The following SLC25A26 variants were observed in gnomAD, a reference collection of about 807,000 sequenced individuals.
SLC25A26 encodes the protein mitochondrial S-adenosylmethionine carrier protein.
In SLC25A26, 36 loss-of-function variants were observed where a neutral mutation model predicts 37.8. That is an observed-to-expected ratio of 0.95 (90% CI 0.73 to 1.26). The LOEUF is 1.26. SLC25A26 is among the 50% of genes most tolerant of loss of function. SLC25A26 has a pLI of 0.00. For missense variants in SLC25A26, 390 were observed against 331.1 expected (o/e 1.18, Z -1.38); for synonymous variants, 129 against 122.5 (o/e 1.05, Z -0.35).
At chr3:66,367,964 G>C (rs916799399) in intron 7 of SLC25A26, among the ~76,000 whole-genome samples, 3 of 152,184 alleles carry the variant, frequency 2.0e-5, no homozygotes, top group African/African-American at 7.2e-5. Context: ...CATGTCAGTT[G>C]ATAGTATTAC....
chr3:66,355,623 G>T (rs1210286140), intron 6 of SLC25A26, among the ~76,000 whole-genome samples: 11 of 152,182 alleles, frequency 7.2e-5, no homozygotes, highest in South Asian at 2.1e-4. Flanking sequence ...CTTGCTATCA[G>T]AAATCTCTTT....
chr3:66,303,795 G>T (rs1224946294), intron 5 of SLC25A26, among the ~76,000 whole-genome samples: 1 of 152,224 alleles, frequency 6.6e-6, no homozygotes, highest in African/African-American at 2.4e-5. Context: ...GTTTCACACA[G>T]TGACAGTCAA....
At position 66,292,567 on chromosome 3, in the gene SLC25A26, G is replaced by A. The variant is rs1037646930; in HGVS notation, c.453+29188G>A. ...CTCCTTTGCTTATGAAGCTTAGTTC[G>A]GCTGGATTTGAAATTCTGGGTTGAA... On this transcript the variant is annotated intron_variant, in intron 5 of 9. Transcript: ENST00000354883. Among the ~76,000 whole-genome samples, 9 of 152,046 alleles carry A rather than the reference G, an allele frequency of 5.9e-5. No individual in the cohort carries two copies. In the South Asian group the frequency reaches 8.3e-4, roughly 14 times the overall value.
chr3:66,166,832 C>G (rs1203978207), intron 1 of SLC25A26, among the ~76,000 whole-genome samples: 1 of 152,112 alleles, frequency 6.6e-6, no homozygotes, highest in African/African-American at 2.4e-5. Flanking sequence ...CTATCTCCAC[C>G]CAAAACTCAT....
At chr3:66,306,731 C>T (rs545795617) in intron 5 of SLC25A26, among the ~76,000 whole-genome samples, 2 of 152,290 alleles carry the variant, frequency 1.3e-5, no homozygotes, top group East Asian at 3.9e-4. Context: ...TGTTCACCTC[C>T]CACTTATGAG....
Position 66,333,546 on chromosome 3 carries a change from A to G in SLC25A26, c.454-12818A>G, listed in dbSNP as rs2076025522. Reference sequence around the variant, plus strand: ...GACTCATACTGGCCTTTCTCTCTCCAAGCACCTCTGTTTGATTTGGGGTTT... The same window carrying G: ...GACTCATACTGGCCTTTCTCTCTCCGAGCACCTCTGTTTGATTTGGGGTTT... On this transcript the variant is annotated intron_variant, in intron 5 of 9. Transcript: ENST00000354883. Among the ~76,000 whole-genome samples the G allele has an allele frequency of 2.0e-5, 3 of 152,044 alleles. 1 individual carries two copies. In the South Asian group the frequency reaches 6.2e-4, roughly 32 times the overall value.
chr3:66,340,002 A>C (rs988610453), intron 5 of SLC25A26, among the ~76,000 whole-genome samples: 15 of 151,962 alleles, frequency 9.9e-5, no homozygotes, highest in Admixed American at 6.5e-4. Context: ...TCTTATGTTT[A>C]GTTCTTTCAT....
chr3:66,205,498 G>T (rs960062679), intron 1 of SLC25A26, among the ~76,000 whole-genome samples: 1 of 152,112 alleles, frequency 6.6e-6, no homozygotes, highest in Non-Finnish European at 1.5e-5. Context: ...CAGCATAAAC[G>T]CAAGGGTCTT....
chr3:66,323,003 T>A (rs1264076786), intron 5 of SLC25A26, among the ~76,000 whole-genome samples: 1 of 146,622 alleles, frequency 6.8e-6, no homozygotes, highest in Non-Finnish European at 1.6e-5. Context: ...TAAGGTATTA[T>A]AAAACTCATT....
chr3:66,198,170 C>G (rs977355951), intron 1 of SLC25A26, among the ~76,000 whole-genome samples: 15 of 152,062 alleles, frequency 9.9e-5, no homozygotes, highest in South Asian at 2.1e-4. Flanking sequence ...GGGTCAGAGT[C>G]AGCTTCAGGA....
At chr3:66,160,857 C>T (rs1392458070) in intron 1 of SLC25A26, among the ~76,000 whole-genome samples, 4 of 152,052 alleles carry the variant, frequency 2.6e-5, no homozygotes, top group Non-Finnish European at 5.9e-5. Flanking sequence ...ATTGCTTGAA[C>T]CTGGTTGGCA....
chr3:66,365,136 T>C (rs1016724898), intron 7 of SLC25A26, among the ~76,000 whole-genome samples: 11 of 152,280 alleles, frequency 7.2e-5, no homozygotes, highest in African/African-American at 2.6e-4. Context: ...GGATGTCTTG[T>C]GAAGTCCCTT....
intron 5 of SLC25A26, among the ~76,000 whole-genome samples, chr3:66,344,726 C>A (rs963786503): frequency 1.3e-5 from 2 of 152,126 alleles, no homozygotes; most frequent in Non-Finnish European, 2.9e-5. Context: ...TGGGTGGGGT[C>A]CACTGGTGTT....
intron 1 of SLC25A26, among the ~76,000 whole-genome samples, chr3:66,189,270 G>C (rs1376215134): frequency 1.3e-5 from 2 of 151,596 alleles, no homozygotes; most frequent in Non-Finnish European, 2.9e-5. Context: ...CTCTGACCCT[G>C]TACCAGACCC....
Position 66,289,210 on chromosome 3 carries a change from A to G in SLC25A26, c.453+25831A>G, listed in dbSNP as rs575166930. Among the ~76,000 whole-genome samples, 20 of 152,060 alleles carry G rather than the reference A, an allele frequency of 1.3e-4. No homozygotes were observed. The South Asian group carries it at 2.9e-3, about 22-fold the overall frequency. On this transcript the variant is annotated intron_variant, in intron 5 of 9. Transcript: ENST00000354883. The stretch of plus-strand genomic sequence containing the variant: ...TCTTGTAAATTTAAGTTCCTTGTAG[A>G]TTCTGGATATTAGCCCTTTGTCAGA...
chr3:66,306,820 T>C (rs932167018), intron 5 of SLC25A26, among the ~76,000 whole-genome samples: 2 of 152,248 alleles, frequency 1.3e-5, no homozygotes, highest in East Asian at 3.8e-4. Flanking sequence ...TCCATGTCCC[T>C]GCAAAGGACA....
chr3:66,337,173 AT>A (rs1408907222), intron 5 of SLC25A26, among the ~76,000 whole-genome samples: 1 of 152,090 alleles, frequency 6.6e-6, no homozygotes, highest in Non-Finnish European at 1.5e-5. Context: ...GTGATTTTTC[AT>A]TTTGATTGAT....
In SLC25A26 at chr3:66,179,254, G is replaced by A. The variant is rs577345143; in HGVS notation, c.-353-41488G>A. ...AAAATTAAGATGACCTATAAATGTA[G>A]CATCAAGCTCCAAGCAAAATTGCCG... On this transcript the variant is annotated intron_variant, in intron 1 of 10. Transcript: ENST00000676754. Among the ~76,000 whole-genome samples the A allele has an allele frequency of 2.6e-5, 4 of 152,230 alleles. 1 individual carries two copies. The South Asian group carries it at 8.3e-4, about 32-fold the overall frequency.
At chr3:66,332,986 C>T (rs2076012098) in intron 5 of SLC25A26, among the ~76,000 whole-genome samples, 2 of 152,072 alleles carry the variant, frequency 1.3e-5, no homozygotes, top group South Asian at 4.1e-4. Context: ...TTGGGGTTTG[C>T]TACTTTTCTC....
Sources: allele counts gnomAD v4.1 joint callset (sites outside exome capture counted in the v4.1 genomes callset), GRCh38; gene constraint gnomAD v4.1.1; transcripts MANE v1.5; gene names NCBI Gene and HGNC (gene_info 2026-07-23, HGNC 2026-07-21).